Variants in PRKCA observed in about 807,000 individuals in gnomAD.
PRKCA encodes protein kinase C alpha type.
PRKCA carries 27 observed loss-of-function variants against 87.0 expected under a neutral mutation model. The observed-to-expected ratio is 0.31, with a 90% CI of 0.23 to 0.43. The LOEUF (loss-of-function observed/expected upper bound fraction) is 0.43. Ranked by LOEUF, PRKCA falls within the 20% of genes least tolerant of loss-of-function variation. The pLI is 1.00. For synonymous variants in PRKCA, 329 were observed against 311.1 expected, an observed-to-expected ratio of 1.06 and a Z score of -0.61; for missense variants, 518 against 852.3, an observed-to-expected ratio of 0.61 and a Z score of 4.88.
chr17:66,435,266 G>C (rs1042661147), intron 2 of PRKCA, among the ~76,000 whole-genome samples: 3 of 152,204 alleles, frequency 2.0e-5, no homozygotes, highest in Non-Finnish European at 2.9e-5. Flanking sequence ...CCCCACTTAA[G>C]TTGCTATCAC....
intron 2 of PRKCA, among the ~76,000 whole-genome samples, chr17:66,439,976 C>A (rs1913637669): frequency 6.6e-6 from 1 of 152,190 alleles, no homozygotes; most frequent in Non-Finnish European, 1.5e-5. Context: ...TTTCCTAAGT[C>A]ATTCCCAGAA....
At chr17:66,510,735 G>C (rs543564838) in intron 3 of PRKCA, among the ~76,000 whole-genome samples, 1 of 151,976 alleles carries the variant, frequency 6.6e-6, no homozygotes, top group South Asian at 2.1e-4. Context: ...AGGAAAGTAT[G>C]TATTTTACTA....
chr17:66,576,287 G>A (rs1969235459), intron 3 of PRKCA, among the ~76,000 whole-genome samples: 1 of 152,230 alleles, frequency 6.6e-6, no homozygotes, highest in Non-Finnish European at 1.5e-5. Flanking sequence ...TGCATGGGAA[G>A]ATGAAGTAAA....
chr17:66,803,608 C>A lies in PRKCA; in HGVS notation c.1855-265C>A, dbSNP rs947304652. Reference sequence around the variant, plus strand: ...GGACGTGAGGGGACAGGGGCTGTCCCCTTGTTGCTGCCTCATTGCCAGCCG... The same window carrying A: ...GGACGTGAGGGGACAGGGGCTGTCCACTTGTTGCTGCCTCATTGCCAGCCG... On this transcript the variant is annotated intron_variant, in intron 16 of 16. Transcript: ENST00000413366. The surrounding 1 kb of genome is among the most constrained non-coding windows in gnomAD (Gnocchi z 4.4). Among the ~76,000 whole-genome samples, 2 of 151,948 alleles carry A rather than the reference C, an allele frequency of 1.3e-5. No individual in the cohort carries two copies. Among genetic ancestry groups the A allele is most frequent in the South Asian group, 2.1e-4 (1 of 4,830 alleles).
intron 3 of PRKCA, among the ~76,000 whole-genome samples, chr17:66,548,798 G>A (rs1318906575): frequency 8.7e-6 from 1 of 114,370 alleles, no homozygotes; most frequent in East Asian, 2.4e-4. Flanking sequence ...TACCGAATAC[G>A]TTTCGGCAAG....
rs114201184 is a variant in PRKCA at position 66,518,167 on chromosome 17, G to A, written c.288+21884G>A. On this transcript the variant is annotated intron_variant, in intron 3 of 16. Coordinates refer to ENST00000413366, the MANE Select transcript of PRKCA (RefSeq NM_002737.3). The stretch of plus-strand genomic sequence containing the variant: ...ATAATGGCAGAAAAAAATATTAGGC[G>A]AGGAGAAGGCTACGGGCATTGTTTG... 2.8e-3 allele frequency among the ~76,000 whole-genome samples: 422 copies of A among 152,242 alleles called. 3 individuals are homozygous for A. The highest frequency in any genetic ancestry group is 9.8e-3 in the African/African-American group (407 of 41,550).
At chr17:66,783,463 T>G (rs1975294053) in intron 14 of PRKCA, among the ~76,000 whole-genome samples, 1 of 152,126 alleles carries the variant, frequency 6.6e-6, no homozygotes, top group Admixed American at 6.5e-5. Context: ...GACTTGACAG[T>G]AAAAGTCCTC....
At chr17:66,455,935 T>C (rs951099663) in intron 2 of PRKCA, among the ~76,000 whole-genome samples, 1 of 151,980 alleles carries the variant, frequency 6.6e-6, no homozygotes, top group African/African-American at 2.4e-5. Flanking sequence ...TATTTGCAAA[T>C]AGGGTCTCTG....
intron 2 of PRKCA, among the ~76,000 whole-genome samples, chr17:66,332,734 C>G (rs1906419670): frequency 6.6e-6 from 1 of 151,496 alleles, no homozygotes; most frequent in Non-Finnish European, 1.5e-5. Context: ...CTCTGTCACC[C>G]AGGCTGGAGT....
chr17:66,558,101 G>A (rs911460969), intron 3 of PRKCA, among the ~76,000 whole-genome samples: 16 of 152,260 alleles, frequency 1.1e-4, no homozygotes, highest in African/African-American at 3.9e-4. Context: ...TGTACATTCA[G>A]GAATGCTCGT....
At chr17:66,402,223 A>G (rs924447157) in intron 2 of PRKCA, among the ~76,000 whole-genome samples, 4 of 152,136 alleles carry the variant, frequency 2.6e-5, no homozygotes, top group African/African-American at 9.7e-5. Flanking sequence ...CAAAGACTGA[A>G]TAAGTTTGGC....
chr17:66,584,042 T>C (rs58238793), intron 3 of PRKCA, among the ~76,000 whole-genome samples: 1,809 of 152,242 alleles, frequency 0.012, 41 homozygotes, highest in African/African-American at 0.04. Flanking sequence ...AATCATCACG[T>C]TGGGACACAA....
chr17:66,411,780 G>A (rs1339571357), intron 2 of PRKCA, among the ~76,000 whole-genome samples: 1 of 152,132 alleles, frequency 6.6e-6, no homozygotes, highest in Non-Finnish European at 1.5e-5. Context: ...AGTTTCACTT[G>A]AGAGTGGCCT....
At chr17:66,330,174 C>T (rs4239073) in intron 2 of PRKCA, among the ~76,000 whole-genome samples, 56,973 of 150,592 alleles carry the variant, frequency 0.38, 10,845 homozygotes, top group Middle Eastern at 0.54. Flanking sequence ...GGCACGATCT[C>T]GGCTCACTGC....
chr17:66,429,921 G>A (rs1913013585), intron 2 of PRKCA, among the ~76,000 whole-genome samples: 2 of 152,056 alleles, frequency 1.3e-5, no homozygotes, highest in Admixed American at 6.5e-5. Flanking sequence ...TTGGGTTCAT[G>A]GATGTAAGCA....
At chr17:66,310,172 TGTTTC>T (rs1905024466) in intron 2 of PRKCA, among the ~76,000 whole-genome samples, 1 of 152,146 alleles carries the variant, frequency 6.6e-6, no homozygotes, top group Non-Finnish European at 1.5e-5. Context: ...TAACATAGTT[TGTTTC>T]ATCTGCCTAA....
rs189769748 is a variant in PRKCA at position 66,426,103 on chromosome 17, G to T, written c.206-70098G>T. ...CTACCAGCATTAGAAAATGAGAAAAGTGTCATTATTTGCAGGAACATAGGG... is the reference window on the plus strand; with the variant it reads ...CTACCAGCATTAGAAAATGAGAAAATTGTCATTATTTGCAGGAACATAGGG... On this transcript the variant is annotated intron_variant, in intron 2 of 16. Coordinates refer to ENST00000413366, the MANE Select transcript of PRKCA (RefSeq NM_002737.3). Among the ~76,000 whole-genome samples the T allele has an allele frequency of 1.2e-4, 19 of 152,296 alleles. No individual in the cohort carries two copies. The East Asian group carries it at 2.9e-3, about 23-fold the overall frequency.
chr17:66,696,359 A>G (rs935640714), intron 8 of PRKCA: 3 of 152,178 alleles, frequency 2.0e-5, no homozygotes, highest in African/African-American at 7.2e-5. Flanking sequence ...CTGCTCTACC[A>G]CTTCCCAGCT....
intron 2 of PRKCA, among the ~76,000 whole-genome samples, chr17:66,308,297 A>G (rs115889156): frequency 1.5e-3 from 227 of 152,122 alleles, no homozygotes; most frequent in African/African-American, 4.8e-3. Flanking sequence ...CAGTGAAGAT[A>G]TCGGGTAATA....
Sources: gnomAD v4.1 joint callset for allele counts (sites outside exome capture counted in the v4.1 genomes callset) on GRCh38, gnomAD v4.1.1 for gene constraint, Gnocchi (gnomAD v3.1) non-coding constraint, MANE v1.5 for transcripts, NCBI Gene and HGNC (gene_info 2026-07-23, HGNC 2026-07-21) for gene names.